The following PTGER3 variants were observed in gnomAD, a reference collection of about 807,000 sequenced individuals.
The protein encoded by PTGER3 is prostaglandin E receptor 3, also known as prostaglandin E2 receptor EP3 subtype.
In PTGER3, 22 loss-of-function variants were observed where a neutral mutation model predicts 34.7. The observed-to-expected ratio is 0.63, with a 90% CI of 0.45 to 0.91. PTGER3 has a LOEUF of 0.91. PTGER3 is among the 40% of genes least tolerant of loss of function. The pLI, the probability that PTGER3 is intolerant of heterozygous loss-of-function variation, is 0.00. For synonymous variants in PTGER3, 241 were observed against 230.1 expected (o/e 1.05, Z -0.43); for missense variants, 468 against 519.4 (o/e 0.90, Z 0.96).
intron 4 of PTGER3, among the ~76,000 whole-genome samples, chr1:70,927,166 G>C (rs1056921937): frequency 2.6e-5 from 4 of 152,288 alleles, no homozygotes; most frequent in Admixed American, 2.0e-4. Flanking sequence ...TCTCTGCCCA[G>C]CTTTGGTATC....
chr1:71,030,603 T>G (rs903269746), intron 1 of PTGER3, among the ~76,000 whole-genome samples: 13 of 152,196 alleles, frequency 8.5e-5, no homozygotes, highest in African/African-American at 3.1e-4. Context: ...TAAATAAAAT[T>G]GATGCCACAC....
intron 4 of PTGER3, chr1:70,865,773 G>A (rs142954346): frequency 1.2e-4 from 166 of 1,367,162 alleles, no homozygotes; most frequent in African/African-American, 4.4e-4. Context: ...AAGAACCAAC[G>A]GAAGGGCTGA....
chr1:70,934,720 T>A (rs1649040850), intron 4 of PTGER3, among the ~76,000 whole-genome samples: 1 of 152,302 alleles, frequency 6.6e-6, no homozygotes, highest in Middle Eastern at 3.4e-3. Context: ...AATGTGAAGA[T>A]ATAAGTGAGT....
chr1:70,898,208 C>T (rs1204969737), intron 4 of PTGER3, among the ~76,000 whole-genome samples: 1 of 152,162 alleles, frequency 6.6e-6, no homozygotes, highest in Non-Finnish European at 1.5e-5. Flanking sequence ...TACATCCCTG[C>T]TGGGCAACCC....
intron 4 of PTGER3, among the ~76,000 whole-genome samples, chr1:70,944,780 T>C (rs1650069238): frequency 6.6e-6 from 1 of 152,136 alleles, no homozygotes; most frequent in African/African-American, 2.4e-5. Context: ...TTTATAGCCT[T>C]ACCTCTTCAT....
At chr1:70,932,925 A>G (rs896940598) in intron 4 of PTGER3, among the ~76,000 whole-genome samples, 4 of 152,154 alleles carry the variant, frequency 2.6e-5, no homozygotes, top group Admixed American at 2.0e-4. Flanking sequence ...AAACATACAC[A>G]CGAACACACA....
At chr1:70,887,721 T>A (rs923533667) in intron 4 of PTGER3, among the ~76,000 whole-genome samples, 11 of 152,212 alleles carry the variant, frequency 7.2e-5, no homozygotes, top group African/African-American at 1.2e-4. Flanking sequence ...AAGCAGATTT[T>A]AAAAATCTGT....
intron 4 of PTGER3, among the ~76,000 whole-genome samples, chr1:70,860,527 A>G (rs1024505624): frequency 6.6e-6 from 1 of 152,168 alleles, no homozygotes; most frequent in Admixed American, 6.5e-5. Flanking sequence ...TATAGCTTAC[A>G]TTTATCTCAA....
At chr1:70,985,891 C>T (rs1654868585) in intron 2 of PTGER3, among the ~76,000 whole-genome samples, 1 of 152,188 alleles carries the variant, frequency 6.6e-6, no homozygotes, top group Admixed American at 6.5e-5. Context: ...ATGACATTGT[C>T]AGAGGCATTT....
intron 2 of PTGER3, among the ~76,000 whole-genome samples, chr1:71,003,709 T>C (rs2100822959): frequency 6.6e-6 from 1 of 152,354 alleles, no homozygotes; most frequent in Middle Eastern, 3.4e-3. Flanking sequence ...GTTATGGACA[T>C]ATCGTTAGAT....
intron 4 of PTGER3, among the ~76,000 whole-genome samples, chr1:70,935,104 T>C (rs1649083533): frequency 6.6e-6 from 1 of 151,678 alleles, no homozygotes; most frequent in African/African-American, 2.4e-5. Flanking sequence ...GATCCTAAAG[T>C]CAAGTGCAAG....
chr1:70,878,424 G>A (rs1055690734), intron 4 of PTGER3, among the ~76,000 whole-genome samples: 1 of 151,834 alleles, frequency 6.6e-6, no homozygotes, highest in Non-Finnish European at 1.5e-5. Flanking sequence ...ACCAACTCCT[G>A]GAGTCATTGA....
chr1:70,970,395 G>A (rs112479797), downstream of PTGER3, among the ~76,000 whole-genome samples: 107 of 152,220 alleles, frequency 7.0e-4, 1 homozygote, highest in African/African-American at 2.4e-3. Context: ...TCAGCTTTGT[G>A]CTAGTTAAGA....
chr1:70,983,004 C>G (rs1328631858), intron 2 of PTGER3, among the ~76,000 whole-genome samples: 2 of 151,854 alleles, frequency 1.3e-5, no homozygotes, highest in Non-Finnish European at 2.9e-5. Flanking sequence ...AGAGGCTAAA[C>G]AACTAAGTGA....
At chr1:70,889,217 C>A (rs955357058) in intron 4 of PTGER3, among the ~76,000 whole-genome samples, 2 of 151,736 alleles carry the variant, frequency 1.3e-5, no homozygotes, top group Non-Finnish European at 2.9e-5. Context: ...AGATCAAGAC[C>A]ATCCTGGCTA....
At chr1:70,967,610 C>G (rs890639560), downstream of PTGER3, among the ~76,000 whole-genome samples, 1 of 152,004 alleles carries the variant, frequency 6.6e-6, no homozygotes, top group Non-Finnish European at 1.5e-5. Flanking sequence ...GGCAATTAAA[C>G]ACTTCTGTAG....
At chr1:70,908,092 T>C (rs1366545898) in intron 4 of PTGER3, among the ~76,000 whole-genome samples, 1 of 152,172 alleles carries the variant, frequency 6.6e-6, no homozygotes, top group Non-Finnish European at 1.5e-5. Context: ...TCTGATTAAT[T>C]ATACCCACTT....
intron 1 of PTGER3, among the ~76,000 whole-genome samples, chr1:71,028,023 G>T (rs1659087543): frequency 6.6e-6 from 1 of 152,070 alleles, no homozygotes; most frequent in African/African-American, 2.4e-5. Flanking sequence ...CCTTTATTCT[G>T]TCAATTAAAC....
At chr1:70,953,660 C>G in intron 3 of PTGER3, 2 of 1,492,130 alleles carry the variant, frequency 1.3e-6, no homozygotes, top group Admixed American at 2.4e-5. Context: ...AAGGAAAACA[C>G]GAACTTTCAA....
Sources: allele counts gnomAD v4.1 joint callset (sites outside exome capture counted in the v4.1 genomes callset), GRCh38; gene constraint gnomAD v4.1.1; transcripts MANE v1.5; gene names NCBI Gene and HGNC (gene_info 2026-07-23, HGNC 2026-07-21).